Variants in ATG4B observed in about 807,000 individuals in gnomAD.
ATG4B encodes the protein autophagy related 4B cysteine peptidase.
ATG4B carries 29 observed loss-of-function variants against 56.6 expected under a neutral mutation model. That is an observed-to-expected ratio of 0.51 (90% CI 0.38 to 0.70). The LOEUF (loss-of-function observed/expected upper bound fraction) is 0.70, where lower values mean the gene tolerates loss of function less well. ATG4B is among the 30% of genes least tolerant of loss of function. ATG4B has a pLI of 0.00. For synonymous variants in ATG4B, 224 were observed against 206.1 expected, an observed-to-expected ratio of 1.09 and a Z score of -0.74; for missense variants, 461 against 515.5, an observed-to-expected ratio of 0.89 and a Z score of 1.02.
At chr2:241,672,094 G>A in intron 12 of ATG4B, 97 bp from the exon 13 acceptor site, 2 of 1,517,956 alleles carry the variant, frequency 1.3e-6, no homozygotes, top group South Asian at 2.5e-5. Flanking sequence ...GGGCTGCAGA[G>A]CAGGCACTGC....
rs2068862899 is a variant in ATG4B at position 241,668,829 on chromosome 2, A to G, written c.957+144A>G. On this transcript the variant is annotated intron_variant, in intron 10 of 12. Coordinates refer to ENST00000404914, the MANE Select transcript of ATG4B (RefSeq NM_013325.5). This position sits in a 1 kb window ranked among gnomAD's most constrained non-coding sequence, Gnocchi z 4.2. The stretch of plus-strand genomic sequence containing the variant: ...TCACGTGGTTGGGAATCTGAAGGGT[A>G]TAAGAGCCGGAACTGTGTCCTTGCA... 3.2e-6 allele frequency: 4 copies of G among 1,247,674 alleles called. No individual in the cohort carries two copies. Among genetic ancestry groups the G allele is most frequent in the East Asian group, 5.1e-5 (2 of 39,216 alleles). The allele number at this position is 1,247,674 out of a possible 1,614,324, so 77.3% of individuals were successfully genotyped here. A position where few individuals can be genotyped will look rare whatever the true frequency, so the allele number is the denominator to read the frequency against.
At chr2:241,654,676 C>T in intron 5 of ATG4B, 29 bp downstream of exon 5, 1 of 1,552,440 alleles carries the variant, frequency 6.4e-7, no homozygotes, top group Non-Finnish European at 8.8e-7. Context: ...TGCCAGGCCC[C>T]ACCCGGGCTG....
chr2:241,642,188 T>A (rs4675900), intron 1 of ATG4B, among the ~76,000 whole-genome samples: 1 of 150,132 alleles, frequency 6.7e-6, no homozygotes, highest in African/African-American at 2.4e-5. Context: ...TTTCTTGAGA[T>A]GGAGTCTTGC....
intron 12 of ATG4B, chr2:241,671,764 G>A: frequency 7.8e-7 from 1 of 1,289,958 alleles, no homozygotes; most frequent in Non-Finnish European, 9.9e-7. Context: ...GGCCATGGGT[G>A]GCGTAGACCC....
chr2:241,666,885 C>G, intron 8 of ATG4B, 47 bp downstream of exon 8: 1 of 1,521,882 alleles, frequency 6.6e-7, no homozygotes, highest in Middle Eastern at 2.1e-4. Flanking sequence ...GTCCCCTTCT[C>G]CCAGTTCTTA....
At chr2:241,669,576 C>T (rs971941310) in intron 10 of ATG4B, among the ~76,000 whole-genome samples, 5 of 152,304 alleles carry the variant, frequency 3.3e-5, no homozygotes, top group East Asian at 3.9e-4. Context: ...GGCACGATCT[C>T]GGCTCACTGC....
chr2:241,668,659 G>A lies in ATG4B; in HGVS notation c.931G>A (p.Ala311Thr), dbSNP rs1256956340. 4 of 1,578,102 alleles carry A rather than the reference G, an allele frequency of 2.5e-6. No homozygotes were observed. Among genetic ancestry groups the A allele is most frequent in the African/African-American group, 1.4e-5 (1 of 74,072 alleles). Residue 311 changes from alanine to threonine, a missense_variant, in exon 10 of 13, where the codon GCG becomes ACG. Physicochemically the swap from Ala to Thr is moderately conservative, Grantham distance 58. Coordinates refer to ENST00000404914, the MANE Select transcript of ATG4B (RefSeq NM_013325.5). The surrounding 1 kb of genome is among the most constrained non-coding windows in gnomAD (Gnocchi z 4.2). The part of the protein sequence containing the change: ...CQHPPCRMSI[A>T]ELDPSIAVGF... ...GCACCCGCCGTGCCGCATGAGCATC[G>A]CGGAGCTTGACCCGTCCATCGCTGT...
At chr2:241,660,228 G>A (rs531738370) in intron 7 of ATG4B, among the ~76,000 whole-genome samples, 5 of 152,320 alleles carry the variant, frequency 3.3e-5, no homozygotes, top group South Asian at 4.1e-4. Context: ...AGCCACAGCC[G>A]TAACTGCGCA....
chr2:241,653,834 A>G (rs1391752428), intron 4 of ATG4B, among the ~76,000 whole-genome samples: 1 of 152,180 alleles, frequency 6.6e-6, no homozygotes, highest in Non-Finnish European at 1.5e-5. Flanking sequence ...CTCACAAAAA[A>G]TACAAAAATT....
chr2:241,643,694 T>TCCC (rs200143016), intron 1 of ATG4B, among the ~76,000 whole-genome samples: 12 of 121,936 alleles, frequency 9.8e-5, no homozygotes, highest in East Asian at 6.8e-4. Context: ...GTATATATTT[T>TCCC]CCCCCCCCCC....
At chr2:241,659,438 G>T (rs765633878) in intron 7 of ATG4B, 2 of 563,774 alleles carry the variant, frequency 3.5e-6, no homozygotes, top group Non-Finnish European at 7.0e-6. Context: ...CGTGTTTTGT[G>T]TCTTGGTTAC....
At chr2:241,661,164 C>T (rs1402620611) in intron 7 of ATG4B, among the ~76,000 whole-genome samples, 1 of 152,182 alleles carries the variant, frequency 6.6e-6, no homozygotes, top group Non-Finnish European at 1.5e-5. Flanking sequence ...TGGTGGCTCC[C>T]GGGAGGATGT....
chr2:241,673,571 A>G lies in ATG4B; in HGVS notation c.*1307A>G, dbSNP rs1575098679. On this transcript the variant is annotated 3_prime_UTR_variant, in exon 13 of 13. Coordinates refer to ENST00000404914, the MANE Select transcript of ATG4B (RefSeq NM_013325.5). ...TAGCAGAGGACACCCCCAGCCCCCC[A>G]AGCATTGAAGACATAGTGTATTTCC... 2.4e-5 allele frequency: 11 copies of G among 451,804 alleles called. No individual in the cohort carries two copies. Among genetic ancestry groups the G allele is most frequent in the South Asian group, 1.6e-4 (10 of 63,984 alleles). 28.0% of individuals were successfully genotyped at this position (451,804 alleles called of 1,614,324 possible).
intron 6 of ATG4B, 94 bp downstream of exon 6, chr2:241,655,437 G>A: frequency 3.9e-6 from 5 of 1,281,354 alleles, no homozygotes; most frequent in Middle Eastern, 1.9e-4. Flanking sequence ...CAGGAAATAA[G>A]GGGTCTCTAA....
chr2:241,667,880 A>C, intron 8 of ATG4B: 1 of 461,008 alleles, frequency 2.2e-6, no homozygotes, highest in Non-Finnish European at 3.9e-6. Context: ...ATCTCCTGCC[A>C]GGCCCCCTCA....
chr2:241,654,419 TAAAAAAAAAAAA>T (rs201525288), intron 4 of ATG4B, 115 bp from the exon 5 acceptor site: 9 of 438,826 alleles, frequency 2.1e-5, no homozygotes, highest in Non-Finnish European at 2.9e-5. Context: ...AGACTCTGTT[TAAAAAAAAAAAA>T]AAAAAAAAAA....
chr2:241,649,404 T>C (rs2068163222), intron 1 of ATG4B, among the ~76,000 whole-genome samples: 1 of 152,246 alleles, frequency 6.6e-6, no homozygotes, highest in African/African-American at 2.4e-5. Flanking sequence ...TCATTCTTAT[T>C]GAAGTGTGGG....
intron 7 of ATG4B, among the ~76,000 whole-genome samples, chr2:241,663,490 G>C (rs35904111): frequency 0.11 from 16,467 of 152,182 alleles, 982 homozygotes; most frequent in African/African-American, 0.14. Context: ...TGTAGAGACC[G>C]TAACTATGTA....
intron 8 of ATG4B, 147 bp from the exon 9 acceptor site, chr2:241,667,996 G>A (rs2068832158): frequency 4.3e-6 from 3 of 695,736 alleles, no homozygotes; most frequent in Non-Finnish European, 7.1e-6. Context: ...TTCCTGGACA[G>A]TAAGCTCTTT....
Sources: gnomAD v4.1 joint callset for allele counts (sites outside exome capture counted in the v4.1 genomes callset) on GRCh38, gnomAD v4.1.1 for gene constraint, Gnocchi (gnomAD v3.1) non-coding constraint, MANE v1.5 for transcripts, NCBI Gene and HGNC (gene_info 2026-07-23, HGNC 2026-07-21) for gene names.